RGS17: variants seen among roughly 807,000 people sequenced by gnomAD.
The protein encoded by RGS17 is regulator of G protein signaling 17, also known as regulator of G-protein signaling 17.
RGS17 carries 12 observed loss-of-function variants against 25.5 expected under a neutral mutation model. The ratio of observed to expected loss-of-function variants is 0.47; its 90% CI spans 0.30 to 0.76. RGS17 has a LOEUF of 0.76. Among genes scored for constraint, RGS17 ranks in the 30% least tolerant of loss-of-function variants. The probability of loss-of-function intolerance (pLI) is 0.07; values close to 1 mark genes in which losing one functional copy is unlikely to be tolerated. For missense variants in RGS17, 196 were observed against 242.2 expected, an observed-to-expected ratio of 0.81 and a Z score of 1.27; for synonymous variants, 71 against 76.9, an observed-to-expected ratio of 0.92 and a Z score of 0.40.
chr6:153,065,887 T>A (rs1776700045), intron 1 of RGS17, among the ~76,000 whole-genome samples: 1 of 151,760 alleles, frequency 6.6e-6, no homozygotes, highest in African/African-American at 2.4e-5. Flanking sequence ...AAAAGCAAGA[T>A]AATACCAAAC....
At chr6:153,080,063 C>G (rs1453002925) in intron 1 of RGS17, among the ~76,000 whole-genome samples, 1 of 152,200 alleles carries the variant, frequency 6.6e-6, no homozygotes, top group East Asian at 1.9e-4. Context: ...CTCACTGCAA[C>G]CTCCGCCTTC....
intron 1 of RGS17, among the ~76,000 whole-genome samples, chr6:153,076,408 C>T (rs934027144): frequency 6.6e-6 from 1 of 151,982 alleles, no homozygotes; most frequent in Non-Finnish European, 1.5e-5. Context: ...TCACAGGACC[C>T]TGTGATTTTT....
At position 153,029,008 on chromosome 6, in the gene RGS17, A is replaced by C. The variant is rs139774549; in HGVS notation, c.120-2465T>G. Among the ~76,000 whole-genome samples, 554 of 152,320 alleles carry C rather than the reference A, an allele frequency of 3.6e-3. 1 individual carries two copies. The highest frequency in any genetic ancestry group is 5.8e-3 in the Non-Finnish European group (397 of 68,024). On this transcript the variant is annotated intron_variant, in intron 2 of 4. Transcript: ENST00000206262. ...TCTGAACATGAATTCTGGCTCTTCT[A>C]TCTGTTTCTGTGATATTTACAAACA...
chr6:153,072,381 T>C (rs1776816793), intron 1 of RGS17, among the ~76,000 whole-genome samples: 1 of 152,160 alleles, frequency 6.6e-6, no homozygotes, highest in South Asian at 2.1e-4. Flanking sequence ...GGTAATATAA[T>C]TAAATAGAAA....
intron 4 of RGS17, among the ~76,000 whole-genome samples, chr6:153,019,165 C>T (rs534455481): frequency 2.0e-5 from 3 of 152,276 alleles, no homozygotes; most frequent in African/African-American, 4.8e-5. Context: ...AACACTAGGA[C>T]GTGGAGGTTC....
chr6:153,076,379 G>C (rs1776879513), intron 1 of RGS17, among the ~76,000 whole-genome samples: 1 of 152,104 alleles, frequency 6.6e-6, no homozygotes, highest in Non-Finnish European at 1.5e-5. Context: ...CTGTAATATT[G>C]CAACTGAATT....
intron 2 of RGS17, among the ~76,000 whole-genome samples, chr6:153,031,385 A>C (rs1035218473): frequency 6.6e-6 from 1 of 152,242 alleles, no homozygotes; most frequent in South Asian, 2.1e-4. Context: ...AGTTTACCAA[A>C]GAGCTTTTTA....
At chr6:153,030,994 C>A (rs1210598423) in intron 2 of RGS17, among the ~76,000 whole-genome samples, 2 of 152,124 alleles carry the variant, frequency 1.3e-5, no homozygotes, top group African/African-American at 4.8e-5. Flanking sequence ...TGAAAATGGG[C>A]AGTTGTTTGC....
At chr6:153,098,249 TAGTC>T (rs1384234363) in intron 1 of RGS17, among the ~76,000 whole-genome samples, 3 of 152,236 alleles carry the variant, frequency 2.0e-5, no homozygotes, top group Admixed American at 1.3e-4. Context: ...GGGGTGACCT[TAGTC>T]AGGAGGAGTT....
intron 1 of RGS17, among the ~76,000 whole-genome samples, chr6:153,101,950 T>C (rs552952515): frequency 6.6e-6 from 1 of 152,320 alleles, no homozygotes; most frequent in South Asian, 2.1e-4. Context: ...AATTACCTAA[T>C]CTCAGGTAGT....
chr6:153,043,758 T>C, intron 2 of RGS17, 142 bp downstream of exon 2: 1 of 569,008 alleles, frequency 1.8e-6, no homozygotes, highest in Non-Finnish European at 3.1e-6. Context: ...AAACCAATGA[T>C]AGTCTTCAAT....
At chr6:153,123,674 C>A (rs1777668776) in intron 1 of RGS17, among the ~76,000 whole-genome samples, 1 of 152,136 alleles carries the variant, frequency 6.6e-6, no homozygotes, top group Admixed American at 6.5e-5. Context: ...ATATTATAAA[C>A]AGATTGTAAT....
chr6:153,114,969 T>C (rs1257752795), intron 1 of RGS17, among the ~76,000 whole-genome samples: 2 of 152,128 alleles, frequency 1.3e-5, no homozygotes, highest in Non-Finnish European at 2.9e-5. Flanking sequence ...CCACAGCCAA[T>C]ATCATACTGA....
intron 4 of RGS17, 95 bp downstream of exon 4, chr6:153,024,167 C>T: frequency 1.3e-6 from 1 of 756,130 alleles, no homozygotes; most frequent in South Asian, 1.7e-5. Flanking sequence ...CTTCTACCCT[C>T]TCCACACCCC....
chr6:153,052,269 C>T (rs1460892974), intron 1 of RGS17, among the ~76,000 whole-genome samples: 3 of 152,044 alleles, frequency 2.0e-5, no homozygotes, highest in Non-Finnish European at 4.4e-5. Flanking sequence ...ACCTCTGCCC[C>T]CAGTGGGCCT....
intron 4 of RGS17, chr6:153,023,490 TA>T (rs1355248485): frequency 3.0e-6 from 1 of 330,050 alleles, no homozygotes; most frequent in Non-Finnish European, 6.3e-6. Flanking sequence ...CAAATGCTTT[TA>T]ACTCTGTTAG....
intron 1 of RGS17, among the ~76,000 whole-genome samples, chr6:153,106,323 T>C (rs913649673): frequency 2.6e-5 from 4 of 151,916 alleles, no homozygotes; most frequent in Middle Eastern, 3.4e-3. Flanking sequence ...TAAAGGATGG[T>C]TGGGACTTAG....
chr6:153,113,553 T>G (rs1244292947), intron 1 of RGS17, among the ~76,000 whole-genome samples: 1 of 152,138 alleles, frequency 6.6e-6, no homozygotes, highest in Non-Finnish European at 1.5e-5. Context: ...TATTCAGGAC[T>G]TCAACTCAGC....
intron 1 of RGS17, among the ~76,000 whole-genome samples, chr6:153,091,012 T>C (rs1260488133): frequency 1.3e-5 from 2 of 152,130 alleles, no homozygotes; most frequent in Non-Finnish European, 2.9e-5. Context: ...AATTTAAAAA[T>C]AATAAATCAA....
Sources: gnomAD v4.1 joint callset for allele counts (sites outside exome capture counted in the v4.1 genomes callset) on GRCh38, gnomAD v4.1.1 for gene constraint, MANE v1.5 for transcripts, NCBI Gene and HGNC (gene_info 2026-07-23, HGNC 2026-07-21) for gene names.